SAXO1: variants seen among roughly 807,000 people sequenced by gnomAD.
SAXO1 encodes the protein 4930500O09Rik.
Under a neutral mutation model 17.5 loss-of-function variants are expected in SAXO1, and 21 were observed. The ratio of observed to expected loss-of-function variants is 1.20; its 90% CI spans 0.85 to 1.72. SAXO1 has a LOEUF of 1.72. SAXO1 is among the 40% of genes most tolerant of loss of function. The probability of loss-of-function intolerance (pLI) is 0.00; values close to 1 mark genes in which losing one functional copy is unlikely to be tolerated. For synonymous variants in SAXO1, 274 were observed against 216.5 expected (o/e 1.27, Z -2.33); for missense variants, 843 against 596.0 (o/e 1.41, Z -4.32).
intron 1 of SAXO1, among the ~76,000 whole-genome samples, chr9:18,974,192 G>A (rs1175474962): frequency 6.6e-6 from 1 of 152,312 alleles, no homozygotes; most frequent in South Asian, 2.1e-4. Context: ...AATAGAAGGA[G>A]CCAGGTTCTT....
At position 18,928,445 on chromosome 9, in the gene SAXO1, G is replaced by C; in HGVS notation, c.1032C>G (p.Tyr344Ter). Residue 344 changes from tyrosine to a stop codon, truncating the protein, a stop_gained, in exon 4 of 4, where the codon TAC becomes TAG. Transcript: ENST00000380534. LOFTEE classifies it low-confidence loss of function (END_TRUNC). ...CTGTGCGCATGCTGGACCACTGCTT[G>C]TAGTCATCCTTGGTGGTGGAAGAGC... ...FEGSSTTKDDYKQWSSMRTEP... is the reference protein window; with the variant it reads ...FEGSSTTKDD The C allele has an allele frequency of 3.1e-6, 5 of 1,610,316 alleles. No individual in the cohort carries two copies. The highest frequency in any genetic ancestry group is 4.2e-6 in the Non-Finnish European group (5 of 1,177,926).
chr9:18,980,242 G>C (rs1265133883), intron 1 of SAXO1, among the ~76,000 whole-genome samples: 1 of 152,072 alleles, frequency 6.6e-6, no homozygotes, highest in Non-Finnish European at 1.5e-5. Context: ...CTCTGTTTCT[G>C]GCACCTTTTG....
chr9:19,008,102 G>C (rs897258465), intron 1 of SAXO1, among the ~76,000 whole-genome samples: 2 of 151,982 alleles, frequency 1.3e-5, no homozygotes, highest in Non-Finnish European at 2.9e-5. Context: ...CAAGTAGCTG[G>C]GAGCTGGGAC....
At chr9:18,988,984 T>C (rs1189278971) in intron 1 of SAXO1, among the ~76,000 whole-genome samples, 1 of 152,194 alleles carries the variant, frequency 6.6e-6, no homozygotes, top group Non-Finnish European at 1.5e-5. Context: ...TGTTGTGAAC[T>C]TTCCCCTATA....
chr9:18,963,565 G>A (rs1054369965), intron 1 of SAXO1, among the ~76,000 whole-genome samples: 2 of 152,150 alleles, frequency 1.3e-5, no homozygotes, highest in Non-Finnish European at 2.9e-5. Flanking sequence ...CGTAGCAATT[G>A]TGAATGGAAG....
intron 1 of SAXO1, among the ~76,000 whole-genome samples, chr9:19,019,411 C>G (rs1835130945): frequency 6.6e-6 from 1 of 152,068 alleles, no homozygotes; most frequent in African/African-American, 2.4e-5. Context: ...CTCACAGACA[C>G]ACACCCAACA....
At chr9:19,020,952 A>G (rs1338863418) in intron 1 of SAXO1, among the ~76,000 whole-genome samples, 1 of 152,226 alleles carries the variant, frequency 6.6e-6, no homozygotes, top group Admixed American at 6.5e-5. Context: ...CATCCAACCC[A>G]TCTTTCACTA....
chr9:18,963,331 T>C (rs1240160104), intron 1 of SAXO1, among the ~76,000 whole-genome samples: 1 of 151,922 alleles, frequency 6.6e-6, no homozygotes, highest in African/African-American at 2.4e-5. Context: ...TTTTTTCTAA[T>C]TCTGTGAAGA....
At chr9:19,023,124 C>A (rs1240030693) in intron 1 of SAXO1, among the ~76,000 whole-genome samples, 1 of 149,862 alleles carries the variant, frequency 6.7e-6, no homozygotes, top group Non-Finnish European at 1.5e-5. Context: ...TCAAGCCCCC[C>A]AAACACCAGA....
chr9:19,045,245 G>T (rs1402628961), intron 1 of SAXO1, among the ~76,000 whole-genome samples: 1 of 147,502 alleles, frequency 6.8e-6, no homozygotes, highest in Non-Finnish European at 1.5e-5. Flanking sequence ...GGGAAGCGGA[G>T]CTTGCAGTGA....
rs1159895765 is a variant in SAXO1 at position 18,929,005 on chromosome 9, G to T, written c.472C>A (p.His158Asn). 6.2e-7 allele frequency: 1 copy of T among 1,614,214 alleles called. No homozygotes were observed. The highest frequency in any genetic ancestry group is 8.5e-7 in the Non-Finnish European group (1 of 1,180,032). ...CTGACTGATGCCGGCTGGTATTTGT[G>T]TTCCAGACGAAGTGGCTCTCGCCTT... is the stretch of plus-strand genomic sequence containing the variant. ...QPRREPLRLE[H>N]KYQPASVRFD... The change falls in exon 4 of 4, where the codon CAC becomes AAC. Residue 158 changes from histidine (H) to asparagine (N), a missense_variant. Physicochemically the swap from His to Asn is moderately conservative, Grantham distance 68. Transcript: ENST00000380534.
chr9:18,974,489 T>C (rs1163341224), intron 1 of SAXO1, among the ~76,000 whole-genome samples: 4 of 152,160 alleles, frequency 2.6e-5, no homozygotes, highest in Non-Finnish European at 5.9e-5. Flanking sequence ...GAGAAAAAGT[T>C]TGAGGGTTGA....
intron 1 of SAXO1, among the ~76,000 whole-genome samples, chr9:19,025,518 T>C (rs1172910247): frequency 3.3e-5 from 5 of 152,212 alleles, no homozygotes; most frequent in Non-Finnish European, 7.3e-5. Context: ...TGCAGATACA[T>C]GGCTGCCCCT....
At chr9:18,935,094 A>G (rs1227742174) in intron 3 of SAXO1, among the ~76,000 whole-genome samples, 1 of 151,962 alleles carries the variant, frequency 6.6e-6, no homozygotes, top group Non-Finnish European at 1.5e-5. Flanking sequence ...CACCCAGATA[A>G]TTTATTGTTT....
intron 1 of SAXO1, among the ~76,000 whole-genome samples, chr9:19,042,144 C>T (rs994042071): frequency 3.9e-5 from 6 of 152,138 alleles, no homozygotes; most frequent in African/African-American, 1.2e-4. Flanking sequence ...TCTGAATAGA[C>T]ATTTCTCAAA....
intron 1 of SAXO1, among the ~76,000 whole-genome samples, chr9:18,952,748 C>T (rs1832083021): frequency 6.6e-6 from 1 of 152,128 alleles, no homozygotes; most frequent in South Asian, 2.1e-4. Context: ...AATATGCTGT[C>T]CTTATAGTAT....
At chr9:19,026,481 C>T (rs527572296) in intron 1 of SAXO1, among the ~76,000 whole-genome samples, 21 of 152,256 alleles carry the variant, frequency 1.4e-4, no homozygotes, top group Non-Finnish European at 2.1e-4. Context: ...GTCTGATTAA[C>T]GTTTTACTTT....
At chr9:18,952,322 A>G (rs976890426) in intron 1 of SAXO1, among the ~76,000 whole-genome samples, 2 of 152,232 alleles carry the variant, frequency 1.3e-5, no homozygotes, top group African/African-American at 2.4e-5. Context: ...TTAAAATGCA[A>G]TACTTTGGGG....
At chr9:18,950,236 T>G (rs190214857) in intron 2 of SAXO1, among the ~76,000 whole-genome samples, 2 of 152,270 alleles carry the variant, frequency 1.3e-5, no homozygotes, top group African/African-American at 4.8e-5. Context: ...AGCAAAACAT[T>G]ATTTGTTCAT....
Sources: gnomAD v4.1 joint callset for allele counts (sites outside exome capture counted in the v4.1 genomes callset) on GRCh38, gnomAD v4.1.1 for gene constraint, MANE v1.5 for transcripts, NCBI Gene and HGNC (gene_info 2026-07-23, HGNC 2026-07-21) for gene names.